The following TMEM135 variants were observed in gnomAD, a reference collection of about 807,000 sequenced individuals.
TMEM135 encodes the protein peroxisomal membrane protein 52.
A neutral mutation model predicts 60.3 loss-of-function variants in TMEM135; 30 were observed. The observed-to-expected ratio is 0.50, with a 90% CI of 0.37 to 0.68. The LOEUF is 0.68. TMEM135 is among the 30% of genes least tolerant of loss of function. TMEM135 has a pLI of 0.00. For missense variants in TMEM135, 468 were observed against 548.8 expected, an observed-to-expected ratio of 0.85 and a Z score of 1.47; for synonymous variants, 190 against 186.7, an observed-to-expected ratio of 1.02 and a Z score of -0.14.
At chr11:87,321,153 T>C (rs1458814418) in intron 14 of TMEM135, 48 bp from the exon 15 acceptor site, 1 of 1,502,886 alleles carries the variant, frequency 6.7e-7, no homozygotes, top group Admixed American at 1.8e-5. Flanking sequence ...AATTATTTTA[T>C]TTTATAAACT....
At chr11:87,043,964 TC>T (rs753705801) in intron 1 of TMEM135, among the ~76,000 whole-genome samples, 7 of 152,116 alleles carry the variant, frequency 4.6e-5, no homozygotes, top group Non-Finnish European at 1.0e-4. Flanking sequence ...CTTTAGGACC[TC>T]TAGATTAAGG....
At chr11:87,097,508 A>T (rs373678591) in intron 4 of TMEM135, among the ~76,000 whole-genome samples, 1 of 152,196 alleles carries the variant, frequency 6.6e-6, no homozygotes, top group Non-Finnish European at 1.5e-5. Flanking sequence ...AATCTTAACT[A>T]TCTATGGTTA....
At chr11:87,194,933 A>G (rs1939900283) in intron 5 of TMEM135, among the ~76,000 whole-genome samples, 1 of 152,202 alleles carries the variant, frequency 6.6e-6, no homozygotes, top group South Asian at 2.1e-4. Context: ...AAAATGATGC[A>G]TATATGTTAC....
intron 1 of TMEM135, among the ~76,000 whole-genome samples, chr11:87,045,031 T>C (rs1358656123): frequency 1.3e-5 from 2 of 150,834 alleles, no homozygotes; most frequent in Non-Finnish European, 3.0e-5. Flanking sequence ...TGAAGGTGTT[T>C]TTATTTTTAT....
chr11:87,208,608 A>G (rs1377881746), intron 5 of TMEM135, among the ~76,000 whole-genome samples: 1 of 152,112 alleles, frequency 6.6e-6, no homozygotes, highest in Admixed American at 6.5e-5. Flanking sequence ...AAAGAGAAGT[A>G]GAGAGAGAGA....
chr11:87,111,091 A>G (rs1857732465), intron 4 of TMEM135, among the ~76,000 whole-genome samples: 1 of 152,228 alleles, frequency 6.6e-6, no homozygotes, highest in Admixed American at 6.5e-5. Context: ...TTTCCTAAAC[A>G]TAGCTATAGA....
At chr11:87,187,695 CT>C (rs1939687575) in intron 5 of TMEM135, among the ~76,000 whole-genome samples, 1 of 152,184 alleles carries the variant, frequency 6.6e-6, no homozygotes, top group African/African-American at 2.4e-5. Flanking sequence ...TATTGATAAT[CT>C]TTTGATGGTA....
intron 4 of TMEM135, among the ~76,000 whole-genome samples, chr11:87,092,206 G>C (rs934636216): frequency 2.0e-5 from 3 of 152,174 alleles, no homozygotes; most frequent in African/African-American, 7.2e-5. Flanking sequence ...ACAAGAGATA[G>C]CTTTTGCATT....
chr11:87,083,443 G>A (rs978334579), intron 3 of TMEM135, among the ~76,000 whole-genome samples: 1 of 152,192 alleles, frequency 6.6e-6, no homozygotes, highest in Non-Finnish European at 1.5e-5. Flanking sequence ...AAGAATTGCA[G>A]TGTGCTCAAA....
chr11:87,059,814 T>A (rs1949929194), intron 1 of TMEM135, among the ~76,000 whole-genome samples: 1 of 152,350 alleles, frequency 6.6e-6, no homozygotes, highest in East Asian at 1.9e-4. Context: ...TTATAAAAAG[T>A]ACTTATTAAC....
intron 4 of TMEM135, among the ~76,000 whole-genome samples, chr11:87,113,846 T>C (rs753889438): frequency 6.6e-6 from 1 of 152,120 alleles, no homozygotes; most frequent in Non-Finnish European, 1.5e-5. Context: ...CTGTGAGATA[T>C]AGGGATCATC....
At chr11:87,226,473 T>G (rs1428556493) in intron 5 of TMEM135, among the ~76,000 whole-genome samples, 1 of 152,200 alleles carries the variant, frequency 6.6e-6, no homozygotes, top group African/African-American at 2.4e-5. Flanking sequence ...TGTTTATTTT[T>G]AAAAATCTGT....
chr11:87,094,947 A>G (rs1481322113), intron 4 of TMEM135: 2 of 154,098 alleles, frequency 1.3e-5, no homozygotes, highest in Non-Finnish European at 2.9e-5. Flanking sequence ...TTAAATGGAT[A>G]TTACTTATAT....
At chr11:87,187,772 C>T (rs1245921941) in intron 5 of TMEM135, among the ~76,000 whole-genome samples, 1 of 152,150 alleles carries the variant, frequency 6.6e-6, no homozygotes, top group Non-Finnish European at 1.5e-5. Flanking sequence ...GCAAAGAAAA[C>T]ATCTAGCCAC....
chr11:87,102,620 T>C (rs1857481179), intron 4 of TMEM135, among the ~76,000 whole-genome samples: 1 of 151,038 alleles, frequency 6.6e-6, no homozygotes, highest in Non-Finnish European at 1.5e-5. Context: ...TTTTAAGTTA[T>C]TTTTAATTGA....
At chr11:87,129,849 T>G (rs1050389474) in intron 4 of TMEM135, among the ~76,000 whole-genome samples, 8 of 152,146 alleles carry the variant, frequency 5.3e-5, no homozygotes, top group Non-Finnish European at 1.5e-5. Context: ...CTGTTATTTC[T>G]TAATGTTTTT....
intron 5 of TMEM135, among the ~76,000 whole-genome samples, chr11:87,192,837 G>T (rs189733552): frequency 6.6e-6 from 1 of 152,060 alleles, no homozygotes; most frequent in South Asian, 2.1e-4. Context: ...TTGGTTTGCC[G>T]GGCATGGTGG....
chr11:87,109,481 C>G (rs1832211936), intron 4 of TMEM135, among the ~76,000 whole-genome samples: 2 of 152,152 alleles, frequency 1.3e-5, no homozygotes, highest in African/African-American at 2.4e-5. Context: ...GCTCACCTTC[C>G]TCTTCTTGTA....
Position 87,328,028 on chromosome 11 carries a change from C to CA in TMEM135, c.*6699dup, listed in dbSNP as rs1015114613. 1 of 453,932 alleles carries CA rather than the reference C, an allele frequency of 2.2e-6. No homozygotes were observed. The highest frequency in any genetic ancestry group is 2.0e-5 in the African/African-American group (1 of 49,984). The allele number at this position is 453,932 out of a possible 1,614,324, so 28.1% of individuals were successfully genotyped here. A position where few individuals can be genotyped will look rare whatever the true frequency, so the allele number is the denominator to read the frequency against. ...TGGAAACACCCTCACAGACACACCCCAAAATAATGCCTTACCAGTTCTCTA... is the reference window on the plus strand; with the variant it reads ...TGGAAACACCCTCACAGACACACCCCAAAAATAATGCCTTACCAGTTCTCTA... On this transcript the variant is annotated 3_prime_UTR_variant, in exon 15 of 15. Coordinates refer to ENST00000305494, the MANE Select transcript of TMEM135 (RefSeq NM_022918.4).
Sources: allele counts gnomAD v4.1 joint callset (sites outside exome capture counted in the v4.1 genomes callset), GRCh38; gene constraint gnomAD v4.1.1; transcripts MANE v1.5; gene names NCBI Gene and HGNC (gene_info 2026-07-23, HGNC 2026-07-21).